Variants in MDM2 observed in about 807,000 individuals in gnomAD.
MDM2 encodes MDM2 proto-oncogene.
A neutral mutation model predicts 64.3 loss-of-function variants in MDM2; 11 were observed. That is an observed-to-expected ratio of 0.17 (90% CI 0.11 to 0.28). The LOEUF (loss-of-function observed/expected upper bound fraction) is 0.28, where lower values mean the gene tolerates loss of function less well. MDM2 is among the 10% of genes least tolerant of loss of function. MDM2 has a pLI of 1.00. For synonymous variants in MDM2, 194 were observed against 192.9 expected, an observed-to-expected ratio of 1.01 and a Z score of -0.05; for missense variants, 388 against 577.1, an observed-to-expected ratio of 0.67 and a Z score of 3.36.
Position 68,845,074 on chromosome 12 carries a change from G to A in MDM2, c.*5225G>A, listed in dbSNP as rs139528097. 228 of 216,462 alleles carry A rather than the reference G, an allele frequency of 1.1e-3. 1 individual carries two copies. Among genetic ancestry groups the A allele is most frequent in the African/African-American group, 5.0e-3 (222 of 44,366 alleles). The allele number at this position is 216,462 out of a possible 1,614,324, so 13.4% of individuals were successfully genotyped here. On this transcript the variant is annotated 3_prime_UTR_variant, in exon 11 of 11. Transcript: ENST00000258149. ...TGAGCCGCCACGCCCAGCCTAATAAGGGTTTTAAAGATAATTAGTGTGTAG... is the reference window on the plus strand; with the variant it reads ...TGAGCCGCCACGCCCAGCCTAATAAAGGTTTTAAAGATAATTAGTGTGTAG...
At chr12:68,818,918 G>A (rs777046996) in intron 4 of MDM2, among the ~76,000 whole-genome samples, 5 of 152,026 alleles carry the variant, frequency 3.3e-5, no homozygotes, top group Non-Finnish European at 7.4e-5. Flanking sequence ...TTTTAGTAGA[G>A]ATGGGGTTTT....
At chr12:68,832,880 A>C (rs929104227) in intron 8 of MDM2, among the ~76,000 whole-genome samples, 1 of 151,460 alleles carries the variant, frequency 6.6e-6, no homozygotes, top group African/African-American at 2.4e-5. Context: ...TAATCCCAGC[A>C]CTTTGGGAGG....
At chr12:68,836,549 A>T in intron 9 of MDM2, 123 bp from the exon 10 acceptor site, 3 of 743,206 alleles carry the variant, frequency 4.0e-6, no homozygotes, top group Non-Finnish European at 7.3e-6. Context: ...ACTCTATTTG[A>T]TATTGTCTAA....
intron 8 of MDM2, among the ~76,000 whole-genome samples, chr12:68,830,928 T>C (rs1216987409): frequency 6.6e-6 from 1 of 152,176 alleles, no homozygotes; most frequent in Non-Finnish European, 1.5e-5. Flanking sequence ...CTTGAGCTCC[T>C]GACCTCAAGT....
At position 68,839,911 on chromosome 12, in the gene MDM2, C is replaced by T. The variant is rs756143588; in HGVS notation, c.*62C>T. The T allele has an allele frequency of 4.2e-5, 61 of 1,442,402 alleles. No homozygotes were observed. Among genetic ancestry groups the T allele is most frequent in the Non-Finnish European group, 5.5e-5 (58 of 1,063,310 alleles). The allele number at this position is 1,442,402 out of a possible 1,614,324, so 89.4% of individuals were successfully genotyped here. On this transcript the variant is annotated 3_prime_UTR_variant, in exon 11 of 11. Transcript: ENST00000258149. ...ATATAACCCTAGGAATTTAGACAACCTGAAATTTATTCACATATATCAAAG... is the reference window on the plus strand; with the variant it reads ...ATATAACCCTAGGAATTTAGACAACTTGAAATTTATTCACATATATCAAAG...
At chr12:68,836,568 C>T (rs756298244) in intron 9 of MDM2, 104 bp from the exon 10 acceptor site, 2 of 823,424 alleles carry the variant, frequency 2.4e-6, no homozygotes, top group East Asian at 2.5e-5. Flanking sequence ...AAGGCTTTCT[C>T]ATATATTGTA....
At chr12:68,812,445 T>G (rs1027537540) in intron 2 of MDM2, among the ~76,000 whole-genome samples, 1 of 152,136 alleles carries the variant, frequency 6.6e-6, no homozygotes, top group Non-Finnish European at 1.5e-5. Context: ...GATACTTGAG[T>G]TTTGCAGATT....
chr12:68,837,496 A>C (rs1466300699), intron 10 of MDM2, among the ~76,000 whole-genome samples: 1 of 152,010 alleles, frequency 6.6e-6, no homozygotes, highest in Non-Finnish European at 1.5e-5. Context: ...AGTAGCTGGA[A>C]TAACAGGTGC....
chr12:68,834,035 A>T (rs1359596041), intron 8 of MDM2, among the ~76,000 whole-genome samples: 2 of 152,156 alleles, frequency 1.3e-5, no homozygotes, highest in Non-Finnish European at 2.9e-5. Context: ...AAGTCTTTTG[A>T]TGTCAGAGGC....
intron 8 of MDM2, among the ~76,000 whole-genome samples, chr12:68,831,498 TAGG>T (rs1161004071): frequency 3.9e-5 from 6 of 152,154 alleles, no homozygotes; most frequent in Non-Finnish European, 8.8e-5. Flanking sequence ...GCCATGCTGT[TAGG>T]TACCTGATGG....
Position 68,839,402 on chromosome 12 carries a change from G to T in MDM2, c.1047G>T (p.Glu349Asp). ...DKGKDKGEIS[E>D]KAKLENSTQA... ...GGAAAGATAAAGGGGAAATCTCTGA[G>T]AAAGCCAAACTGGAAAACTCAACAC... Residue 349 changes from glutamate to aspartate, a missense_variant, in exon 11 of 11, where the codon GAG (glutamate) becomes GAT (aspartate). This residue lies in a region of MDM2 where 138 missense variants were observed against 143.7 expected (regional missense o/e 0.96). Transcript: ENST00000258149. 1 of 1,613,872 alleles carries T rather than the reference G, an allele frequency of 6.2e-7. No homozygotes were observed. The highest frequency in any genetic ancestry group is 8.5e-7 in the Non-Finnish European group (1 of 1,180,020).
chr12:68,823,404 T>A (rs2136135678), intron 5 of MDM2, among the ~76,000 whole-genome samples: 1 of 152,320 alleles, frequency 6.6e-6, no homozygotes, highest in East Asian at 1.9e-4. Flanking sequence ...AATCTGTTTA[T>A]CTTTCTAAAG....
intron 10 of MDM2, among the ~76,000 whole-genome samples, chr12:68,838,928 G>A (rs979218297): frequency 3.3e-5 from 5 of 149,522 alleles, no homozygotes; most frequent in Admixed American, 2.6e-4. Flanking sequence ...TCTGTTTTGT[G>A]TATAATTGAG....
At chr12:68,831,134 G>T (rs1592591986) in intron 8 of MDM2, among the ~76,000 whole-genome samples, 1 of 152,154 alleles carries the variant, frequency 6.6e-6, no homozygotes, top group East Asian at 1.9e-4. Flanking sequence ...AGGAACACCA[G>T]GTTTTTTGTT....
Position 68,842,564 on chromosome 12 carries a change from ATTG to A in MDM2, c.*2718_*2720del, listed in dbSNP as rs1704716664. 1 of 345,324 alleles carries A rather than the reference ATTG, an allele frequency of 2.9e-6. No individual in the cohort carries two copies. Among genetic ancestry groups the A allele is most frequent in the Non-Finnish European group, 5.7e-6 (1 of 175,786 alleles). 21.4% of individuals were successfully genotyped at this position (345,324 alleles called of 1,614,324 possible). ...TAATATGGATGTTTGATCGCATCTC[ATTG>A]TTAACTCTTTACTGATATGTTTGTA... On this transcript the variant is annotated 3_prime_UTR_variant, in exon 11 of 11. Coordinates refer to ENST00000258149, the MANE Select transcript of MDM2 (RefSeq NM_002392.6).
At chr12:68,826,912 C>T (rs1565740276) in intron 7 of MDM2, among the ~76,000 whole-genome samples, 1 of 151,788 alleles carries the variant, frequency 6.6e-6, no homozygotes, top group Non-Finnish European at 1.5e-5. Context: ...TCCAGTGGCT[C>T]ACGCCTGTAA....
At chr12:68,808,860 C>T in intron 1 of MDM2, 1 of 1,322,810 alleles carries the variant, frequency 7.6e-7, no homozygotes, top group African/African-American at 1.5e-5. Flanking sequence ...GAACGCTGCG[C>T]GTAGTCTGGG....
chr12:68,821,816 A>G (rs1881881144), intron 5 of MDM2, among the ~76,000 whole-genome samples: 1 of 152,166 alleles, frequency 6.6e-6, no homozygotes, highest in Non-Finnish European at 1.5e-5. Flanking sequence ...CCTCTATTCC[A>G]TATTCAGATT....
chr12:68,847,815 C>T (rs1288021203), downstream of MDM2: 1 of 152,170 alleles, frequency 6.6e-6, no homozygotes, highest in Non-Finnish European at 1.5e-5. Context: ...TGTTGATTGG[C>T]ATTGAAAGCA....
Sources: gnomAD v4.1 joint callset for allele counts (sites outside exome capture counted in the v4.1 genomes callset) on GRCh38, gnomAD v4.1.1 for gene constraint, gnomAD v4.1.1 regional missense constraint, MANE v1.5 for transcripts, NCBI Gene and HGNC (gene_info 2026-07-23, HGNC 2026-07-21) for gene names.